The following ZNF679 variants were observed in gnomAD, a reference collection of about 807,000 sequenced individuals.
The protein encoded by ZNF679 is zinc finger protein 679.
Under a neutral mutation model 13.4 loss-of-function variants are expected in ZNF679, and 10 were observed. The ratio of observed to expected loss-of-function variants is 0.75; its 90% CI spans 0.46 to 1.27. The LOEUF (loss-of-function observed/expected upper bound fraction) is 1.27. Ranked by LOEUF, ZNF679 falls within the 50% of genes most tolerant of loss-of-function variation. The pLI, the probability that ZNF679 is intolerant of heterozygous loss-of-function variation, is 0.00. For synonymous variants in ZNF679, 179 were observed against 162.5 expected, an observed-to-expected ratio of 1.10 and a Z score of -0.77; for missense variants, 525 against 477.8, an observed-to-expected ratio of 1.10 and a Z score of -0.92.
At chr7:64,239,146 TG>T (rs1476731381) in intron 1 of ZNF679, among the ~76,000 whole-genome samples, 2 of 152,138 alleles carry the variant, frequency 1.3e-5, no homozygotes, top group African/African-American at 4.8e-5. Flanking sequence ...AGCTCATGAT[TG>T]AGGTTCTGAA....
intron 2 of ZNF679, among the ~76,000 whole-genome samples, chr7:64,252,973 C>T (rs1476859326): frequency 6.6e-6 from 1 of 152,178 alleles, no homozygotes; most frequent in Non-Finnish European, 1.5e-5. Context: ...CCACCTGGGC[C>T]TCTCCAAATG....
chr7:64,255,639 T>C (rs929468317), intron 2 of ZNF679, among the ~76,000 whole-genome samples: 10 of 151,962 alleles, frequency 6.6e-5, no homozygotes, highest in Admixed American at 6.6e-4. Flanking sequence ...GACAGAGTCT[T>C]GCTCTGTCAC....
At chr7:64,252,216 A>T (rs1787952629) in intron 2 of ZNF679, among the ~76,000 whole-genome samples, 1 of 152,182 alleles carries the variant, frequency 6.6e-6, no homozygotes, top group African/African-American at 2.4e-5. Flanking sequence ...GTTTGACTTG[A>T]CACATGAGTC....
At chr7:64,263,308 A>G (rs1254201069) in intron 4 of ZNF679, among the ~76,000 whole-genome samples, 1 of 151,976 alleles carries the variant, frequency 6.6e-6, no homozygotes, top group African/African-American at 2.4e-5. Flanking sequence ...CAAGGCTGGT[A>G]TCAAACTTCT....
At chr7:64,240,929 G>A (rs914827920) in intron 1 of ZNF679, among the ~76,000 whole-genome samples, 1 of 152,090 alleles carries the variant, frequency 6.6e-6, no homozygotes, top group Non-Finnish European at 1.5e-5. Context: ...CAGCCCCCAG[G>A]TGTTCTAAAT....
At chr7:64,232,613 G>A (rs1445928024) in intron 1 of ZNF679, among the ~76,000 whole-genome samples, 1 of 152,172 alleles carries the variant, frequency 6.6e-6, no homozygotes, top group African/African-American at 2.4e-5. Context: ...TTGGCCCCGT[G>A]ATATGGTTTA....
intron 2 of ZNF679, among the ~76,000 whole-genome samples, chr7:64,256,479 GA>G (rs747703906): frequency 2.6e-5 from 4 of 152,168 alleles, no homozygotes; most frequent in Non-Finnish European, 5.9e-5. Context: ...TCAGGTTATT[GA>G]AAAATTGCCA....
intron 4 of ZNF679, 21 bp downstream of exon 4, chr7:64,260,950 C>T (rs376787551): frequency 5.6e-5 from 89 of 1,602,898 alleles, no homozygotes; most frequent in African/African-American, 4.4e-4. Context: ...GTGGATGAAG[C>T]GGATGACACA....
chr7:64,231,659 A>C (rs1009430020), intron 1 of ZNF679, among the ~76,000 whole-genome samples: 1 of 152,124 alleles, frequency 6.6e-6, no homozygotes. Flanking sequence ...AATGCCTTCT[A>C]TAAGTTGAGC....
intron 1 of ZNF679, among the ~76,000 whole-genome samples, chr7:64,235,661 A>T (rs1787699654): frequency 6.6e-6 from 1 of 151,792 alleles, no homozygotes; most frequent in East Asian, 1.9e-4. Context: ...CGGTGGCACA[A>T]GCCTGTAATT....
intron 1 of ZNF679, among the ~76,000 whole-genome samples, chr7:64,238,152 C>T (rs1046359780): frequency 6.6e-6 from 1 of 152,138 alleles, no homozygotes; most frequent in African/African-American, 2.4e-5. Context: ...CCCCCAGACC[C>T]TTGGACTCTG....
chr7:64,260,885 A>G lies in ZNF679; in HGVS notation c.218A>G (p.Glu73Gly). 6.2e-7 allele frequency: 1 copy of G among 1,612,394 alleles called. No individual in the cohort carries two copies. The highest frequency in any genetic ancestry group is 1.1e-5 in the South Asian group (1 of 90,766). ...ATCACCTGTCTGGAGCAAAATAAAGAGCCTTGGAATATAAAGAGAAATGAG... is the reference window on the plus strand; with the variant it reads ...ATCACCTGTCTGGAGCAAAATAAAGGGCCTTGGAATATAAAGAGAAATGAG... ...DLITCLEQNK[E>G]PWNIKRNEMV... Residue 73 changes from glutamate (E) to glycine (G), a missense_variant, in exon 4 of 5, where the codon GAG (glutamate) becomes GGG (glycine). Glu to Gly is a moderately conservative substitution (Grantham distance 98). Coordinates refer to ENST00000421025, the MANE Select transcript of ZNF679 (RefSeq NM_153363.3).
chr7:64,260,070 A>C, intron 2 of ZNF679, 151 bp from the exon 3 acceptor site: 1 of 593,824 alleles, frequency 1.7e-6, no homozygotes, highest in Non-Finnish European at 2.8e-6. Flanking sequence ...AGTGTTAAAA[A>C]TTATCATTGA....
chr7:64,243,455 G>A (rs192558045), intron 1 of ZNF679, among the ~76,000 whole-genome samples: 13 of 152,264 alleles, frequency 8.5e-5, no homozygotes, highest in African/African-American at 2.9e-4. Flanking sequence ...CCAGGTAGAC[G>A]ACAGTCACAT....
chr7:64,266,566 C>T lies in ZNF679; in HGVS notation c.933C>T (p.Leu311=). 3 of 1,609,082 alleles carry T rather than the reference C, an allele frequency of 1.9e-6. No individual in the cohort carries two copies. Among genetic ancestry groups the T allele is most frequent in the African/African-American group, 2.7e-5 (2 of 73,902 alleles). ...AAGCCTTTAGCTTATCCTCATCCCT[C>T]ACTTACCACAAGAGAATTCATACTG... ...CGKAFSLSSS[L]TYHKRIHTGE... Residue 311 remains leucine, a synonymous_variant, in exon 5 of 5, where the codon CTC becomes CTT. Coordinates refer to ENST00000421025, the MANE Select transcript of ZNF679 (RefSeq NM_153363.3).
At chr7:64,250,832 G>A (rs545765005) in intron 2 of ZNF679, among the ~76,000 whole-genome samples, 10 of 152,036 alleles carry the variant, frequency 6.6e-5, no homozygotes, top group Middle Eastern at 3.4e-3. Context: ...CAGATGATCC[G>A]CCTGCTTGGC....
chr7:64,254,659 A>G (rs113778675), intron 2 of ZNF679, among the ~76,000 whole-genome samples: 2,159 of 152,198 alleles, frequency 0.014, 49 homozygotes, highest in African/African-American at 0.049. Flanking sequence ...AGAAGCATAG[A>G]TGAGTCCCCG....
intron 1 of ZNF679, among the ~76,000 whole-genome samples, chr7:64,242,848 T>G (rs1380800065): frequency 5.3e-5 from 8 of 152,148 alleles, no homozygotes; most frequent in African/African-American, 1.9e-4. Flanking sequence ...CCTCTTCTAT[T>G]AGCAAGGTCC....
In ZNF679 at chr7:64,266,832, GTA is replaced by G. The variant is rs756283348; in HGVS notation, c.1201_1202del (p.Met401AlafsTer10). On this transcript the variant is annotated frameshift_variant, in exon 5 of 5. Coordinates refer to ENST00000421025, the MANE Select transcript of ZNF679 (RefSeq NM_153363.3). LOFTEE classifies it high-confidence loss of function. ...TCCTCAAGTCTTGCTAATCATAAGAGTATGCATACTGGAGAGAAACCCTACAA... is the reference window on the plus strand; with the variant it reads ...TCCTCAAGTCTTGCTAATCATAAGAGTGCATACTGGAGAGAAACCCTACAA... 54 of 1,594,170 alleles carry G rather than the reference GTA, an allele frequency of 3.4e-5. 1 individual carries two copies. In the Admixed American group the frequency reaches 9.5e-4, roughly 28 times the overall value.
Sources: allele counts gnomAD v4.1 joint callset (sites outside exome capture counted in the v4.1 genomes callset), GRCh38; gene constraint gnomAD v4.1.1; transcripts MANE v1.5; gene names NCBI Gene and HGNC (gene_info 2026-07-23, HGNC 2026-07-21).